FABP12: variants seen among roughly 807,000 people sequenced by gnomAD.
FABP12 encodes fatty acid binding protein 12.
Under a neutral mutation model 13.7 loss-of-function variants are expected in FABP12, and 19 were observed. The observed-to-expected ratio is 1.39, with a 90% CI of 0.97 to 2.04. The LOEUF is 2.04. Ranked by LOEUF, FABP12 falls within the 30% of genes most tolerant of loss-of-function variation. The probability of loss-of-function intolerance (pLI) is 0.00; values close to 1 mark genes in which losing one functional copy is unlikely to be tolerated. For synonymous variants in FABP12, 61 were observed against 57.0 expected, an observed-to-expected ratio of 1.07 and a Z score of -0.32; for missense variants, 182 against 164.2, an observed-to-expected ratio of 1.11 and a Z score of -0.59.
intron 1 of FABP12, among the ~76,000 whole-genome samples, chr8:81,554,985 G>A (rs922647359): frequency 3.3e-5 from 5 of 152,002 alleles, no homozygotes; most frequent in Admixed American, 2.0e-4. Flanking sequence ...ACTAGCATTC[G>A]AGATGGAATG....
At chr8:81,574,757 T>C (rs913615013) in intron 1 of FABP12, among the ~76,000 whole-genome samples, 12 of 152,154 alleles carry the variant, frequency 7.9e-5, no homozygotes, top group African/African-American at 2.9e-4. Context: ...ATAGTAGCCT[T>C]GAATGATGTT....
chr8:81,526,653 A>G (rs1808908801), intron 4 of FABP12: 2 of 165,470 alleles, frequency 1.2e-5, no homozygotes, highest in African/African-American at 4.8e-5. Context: ...ATTCCTTTTC[A>G]TGTTTTTGTT....
chr8:81,536,954 T>C (rs1356809445), upstream of FABP12, among the ~76,000 whole-genome samples: 1 of 152,206 alleles, frequency 6.6e-6, no homozygotes, highest in East Asian at 1.9e-4. Flanking sequence ...AGAAAAAATA[T>C]TTGTCAACCC....
intron 1 of FABP12, among the ~76,000 whole-genome samples, chr8:81,542,084 C>T (rs546184894): frequency 1.3e-5 from 2 of 152,112 alleles, no homozygotes; most frequent in African/African-American, 4.8e-5. Context: ...GTCTCAAAAA[C>T]AAGAACCTAC....
exon 4 of FABP12, chr8:81,527,032 C>G (rs766179971): frequency 8.1e-6 from 13 of 1,606,262 alleles, no homozygotes; most frequent in African/African-American, 1.3e-5. Context: ...CCACCATTTT[C>G]CCATCCACCA....
intron 1 of FABP12, among the ~76,000 whole-genome samples, chr8:81,542,260 A>C (rs1343456441): frequency 6.6e-6 from 1 of 152,162 alleles, no homozygotes; most frequent in Non-Finnish European, 1.5e-5. Context: ...TACTCTTAAA[A>C]ATCAGGAGAA....
At chr8:81,541,619 G>A (rs1809344816) in intron 1 of FABP12, among the ~76,000 whole-genome samples, 1 of 151,936 alleles carries the variant, frequency 6.6e-6, no homozygotes, top group African/African-American at 2.4e-5. Flanking sequence ...ATGGAGTTTT[G>A]CCTTTGATCC....
At chr8:81,527,040 C>A in exon 4 of FABP12, 1 of 1,609,600 alleles carries the variant, frequency 6.2e-7, no homozygotes, top group Non-Finnish European at 8.5e-7. Context: ...TTCCCATCCA[C>A]CAGCTTTCTC....
At chr8:81,565,553 AAAC>A (rs1437348771) in intron 1 of FABP12, among the ~76,000 whole-genome samples, 1 of 152,118 alleles carries the variant, frequency 6.6e-6, no homozygotes, top group African/African-American at 2.4e-5. Flanking sequence ...TGTAGAAATT[AAAC>A]AACGTGTTGT....
At chr8:81,528,653 C>T (rs1257395836) in intron 3 of FABP12, among the ~76,000 whole-genome samples, 1 of 152,098 alleles carries the variant, frequency 6.6e-6, no homozygotes, top group African/African-American at 2.4e-5. Context: ...GACAGGAAAT[C>T]CTGTTTTGGA....
intron 1 of FABP12, among the ~76,000 whole-genome samples, chr8:81,556,052 C>A (rs1809609428): frequency 6.6e-6 from 1 of 152,122 alleles, no homozygotes; most frequent in African/African-American, 2.4e-5. Context: ...AAATGTGCCA[C>A]AAACACAGTG....
At chr8:81,578,286 C>T (rs938355440) in intron 1 of FABP12, among the ~76,000 whole-genome samples, 1 of 152,080 alleles carries the variant, frequency 6.6e-6, no homozygotes, top group Admixed American at 6.5e-5. Context: ...AACCATAATT[C>T]GACAAGTAGC....
intron 1 of FABP12, among the ~76,000 whole-genome samples, chr8:81,569,807 T>C (rs1563555398): frequency 6.6e-6 from 1 of 152,248 alleles, no homozygotes; most frequent in African/African-American, 2.4e-5. Context: ...TTCTTTAATA[T>C]TATTGTTACG....
chr8:81,568,965 G>A (rs1248944562), intron 1 of FABP12, among the ~76,000 whole-genome samples: 3 of 152,162 alleles, frequency 2.0e-5, no homozygotes, highest in Admixed American at 2.0e-4. Context: ...AGGCTAAGAA[G>A]GGTGGTGGTG....
intron 1 of FABP12, among the ~76,000 whole-genome samples, chr8:81,562,036 T>C (rs1292679712): frequency 2.0e-5 from 3 of 152,108 alleles, no homozygotes; most frequent in African/African-American, 7.2e-5. Flanking sequence ...CCAAAAGGGA[T>C]TATTTCCACT....
At chr8:81,553,997 T>A (rs1382445742) in intron 1 of FABP12, among the ~76,000 whole-genome samples, 2 of 152,164 alleles carry the variant, frequency 1.3e-5, no homozygotes, top group African/African-American at 2.4e-5. Context: ...TTCCTTTAGC[T>A]CCAGAAGACT....
intron 1 of FABP12, among the ~76,000 whole-genome samples, chr8:81,582,375 C>A (rs562688950): frequency 9.2e-5 from 14 of 152,018 alleles, no homozygotes; most frequent in Admixed American, 1.3e-4. Context: ...CCCGCGTTGG[C>A]CTTCCAAAGT....
chr8:81,546,642 C>T (rs565176304), intron 1 of FABP12, among the ~76,000 whole-genome samples: 2 of 151,800 alleles, frequency 1.3e-5, no homozygotes, highest in Admixed American at 6.6e-5. Flanking sequence ...GGTGACAGAG[C>T]GAGACTCCGT....
upstream of FABP12, among the ~76,000 whole-genome samples, chr8:81,537,354 T>C (rs992432785): frequency 2.0e-5 from 3 of 152,200 alleles, no homozygotes; most frequent in Non-Finnish European, 2.9e-5. Context: ...TTAATGAGCC[T>C]GTTAAATTAT....
Sources: allele counts gnomAD v4.1 joint callset (sites outside exome capture counted in the v4.1 genomes callset), GRCh38; gene constraint gnomAD v4.1.1; transcripts MANE v1.5; gene names NCBI Gene and HGNC (gene_info 2026-07-23, HGNC 2026-07-21).